STIL: variants seen among roughly 807,000 people sequenced by gnomAD.
STIL encodes the protein STIL centriolar assembly protein, also known as SCL-interrupting locus protein.
A neutral mutation model predicts 110.1 loss-of-function variants in STIL; 55 were observed. The ratio of observed to expected loss-of-function variants is 0.50; its 90% CI spans 0.40 to 0.63. STIL has a LOEUF of 0.63. Among genes scored for constraint, STIL ranks in the 20% least tolerant of loss-of-function variants. The pLI is 0.00. For synonymous variants in STIL, 481 were observed against 530.0 expected, an observed-to-expected ratio of 0.91 and a Z score of 1.27; for missense variants, 1,358 against 1,530.0, an observed-to-expected ratio of 0.89 and a Z score of 1.87.
intron 12 of STIL, among the ~76,000 whole-genome samples, chr1:47,274,721 A>G (rs1022459): frequency 9.9e-5 from 15 of 152,194 alleles, no homozygotes; most frequent in East Asian, 5.8e-4. Context: ...AAAAGCCATT[A>G]AAGTTGGAAT....
At chr1:47,309,370 G>A (rs1270680342) in intron 2 of STIL, among the ~76,000 whole-genome samples, 1 of 151,924 alleles carries the variant, frequency 6.6e-6, no homozygotes, top group Non-Finnish European at 1.5e-5. Flanking sequence ...GAGCTCAAGC[G>A]ATCTGCCCAC....
At chr1:47,279,553 AC>A (rs1293553648) in intron 12 of STIL, among the ~76,000 whole-genome samples, 1 of 151,886 alleles carries the variant, frequency 6.6e-6, no homozygotes, top group African/African-American at 2.4e-5. Context: ...ACATGGCGAA[AC>A]CCCGTCTCTA....
Position 47,251,303 on chromosome 1 carries a change from C to G in STIL, c.3700G>C (p.Gly1234Arg), listed in dbSNP as rs775610598. The G allele has an allele frequency of 6.2e-7, 1 of 1,613,864 alleles. No homozygotes were observed. Among genetic ancestry groups the G allele is most frequent in the Non-Finnish European group, 8.5e-7 (1 of 1,179,778 alleles). ...GGATGTTGAGTGAACTCTGCTTTCC[C>G]GGTTCGAAGGTTCACTGCAGGACTT... Reference protein sequence around the residue: ...KPSPAVNLRTGKAEFTQHPEK... With the variant: ...KPSPAVNLRTRKAEFTQHPEK... Residue 1234 changes from glycine (G) to arginine (R), a missense_variant, in exon 17 of 17, where the codon GGG (glycine) becomes CGG (arginine). Transcript: ENST00000371877.
chr1:47,276,977 T>C (rs530282298), intron 12 of STIL, among the ~76,000 whole-genome samples: 2 of 152,182 alleles, frequency 1.3e-5, no homozygotes, highest in Admixed American at 6.5e-5. Context: ...TAAATAGATA[T>C]AGCCTTTCCA....
At chr1:47,270,238 AAAAATATATAT>A (rs776632001) in intron 13 of STIL, among the ~76,000 whole-genome samples, 3 of 123,068 alleles carry the variant, frequency 2.4e-5, no homozygotes, top group Non-Finnish European at 3.2e-5. Flanking sequence ...AAAAAAAAAA[AAAAATATATAT>A]ATATATACAC....
chr1:47,268,797 T>G (rs1644733461), intron 14 of STIL, among the ~76,000 whole-genome samples: 1 of 148,176 alleles, frequency 6.7e-6, no homozygotes, highest in Non-Finnish European at 1.5e-5. Context: ...ATAAATTAAA[T>G]AAAAGAAATT....
chr1:47,264,144 A>G (rs1185967067), intron 14 of STIL, among the ~76,000 whole-genome samples: 1 of 152,220 alleles, frequency 6.6e-6, no homozygotes, highest in East Asian at 1.9e-4. Flanking sequence ...AAAGATTACA[A>G]GGGTCCTTAA....
At chr1:47,276,415 CATAT>C (rs200792762) in intron 12 of STIL, among the ~76,000 whole-genome samples, 1 of 150,510 alleles carries the variant, frequency 6.6e-6, no homozygotes, top group African/African-American at 2.4e-5. Flanking sequence ...TATACATATA[CATAT>C]ATATATATAT....
intron 9 of STIL, 47 bp downstream of exon 9, chr1:47,289,388 C>A: frequency 6.3e-7 from 1 of 1,577,850 alleles, no homozygotes; most frequent in Non-Finnish European, 8.7e-7. Flanking sequence ...TGCCAAAGTG[C>A]AAAACCCTAA....
At position 47,251,245 on chromosome 1, in the gene STIL, A is replaced by G; in HGVS notation, c.3758T>C (p.Phe1253Ser). The part of the protein sequence containing the change: ...EKENEGDITI[F>S]PESLQPSETL... Reference sequence around the variant, plus strand: ...TTCAGAAGGTTGCAAACTTTCAGGAAAAATTGTAATGTCCCCTTCATTTTC... The same window carrying G: ...TTCAGAAGGTTGCAAACTTTCAGGAGAAATTGTAATGTCCCCTTCATTTTC... Residue 1253 changes from phenylalanine to serine, a missense_variant, in exon 17 of 17, where the codon TTT (phenylalanine) becomes TCT (serine). Transcript: ENST00000371877. The G allele has an allele frequency of 1.2e-6, 2 of 1,611,344 alleles. No individual in the cohort carries two copies. Among genetic ancestry groups the G allele is most frequent in the Non-Finnish European group, 1.7e-6 (2 of 1,178,400 alleles).
chr1:47,299,715 G>A lies in STIL; in HGVS notation c.701+190C>T, dbSNP rs1056946270. The stretch of plus-strand genomic sequence containing the variant: ...GCCCTACCACCAATTTTTTGTAGGT[G>A]GTGGCACAACTTAAAGAAAATTTCA... On this transcript the variant is annotated intron_variant, in intron 6 of 16. Coordinates refer to ENST00000371877, the MANE Select transcript of STIL (RefSeq NM_001048166.1). 44 of 625,256 alleles carry A rather than the reference G, an allele frequency of 7.0e-5. No individual in the cohort carries two copies. The Middle Eastern group carries it at 1.4e-3, about 20-fold the overall frequency. The allele number at this position is 625,256 out of a possible 1,614,324, so 38.7% of individuals were successfully genotyped here.
chr1:47,260,507 G>A lies in STIL; in HGVS notation c.2862C>T (p.Ser954=). ...GQVNHLLNSS[S]KETEQPSTKA... ...TGGTAGACGGCTGCTCAGTTTCCTT[G>A]GAGGAACTATTTAATAGGTGGTTTA... The change falls in exon 16 of 17, where the codon TCC becomes TCT. Residue 954 remains serine (S), a synonymous_variant. Transcript: ENST00000371877. 1 of 1,614,046 alleles carries A rather than the reference G, an allele frequency of 6.2e-7. No homozygotes were observed. Among genetic ancestry groups the A allele is most frequent in the Non-Finnish European group, 8.5e-7 (1 of 1,180,012 alleles).
intron 16 of STIL, among the ~76,000 whole-genome samples, chr1:47,259,579 G>A (rs1644426479): frequency 1.3e-5 from 2 of 152,072 alleles, no homozygotes; most frequent in South Asian, 2.1e-4. Flanking sequence ...GTGAGCCACC[G>A]CGCCCGGCCT....
At position 47,259,317 on chromosome 1, in the gene STIL, G is replaced by A. The variant is rs1248632043; in HGVS notation, c.3080+972C>T. 9.7e-5 allele frequency among the ~76,000 whole-genome samples: 9 copies of A among 92,428 alleles called. No homozygotes were observed. The Admixed American group carries it at 1.0e-3, about 10-fold the overall frequency. 60.6% of individuals were successfully genotyped at this position (92,428 alleles called of 152,430 possible). ...TTTTTTTTTTTTTTGACTGAGTCTT[G>A]CTCTGTCGTCCAGGCTAGATAGAGT... On this transcript the variant is annotated intron_variant, in intron 16 of 16. Transcript: ENST00000371877.
chr1:47,259,009 G>GTC (rs1644401267), intron 16 of STIL, among the ~76,000 whole-genome samples: 1 of 6,916 alleles, frequency 1.4e-4, no homozygotes, highest in African/African-American at 1.1e-3. Flanking sequence ...TTTTTTTTGA[G>GTC]ACAGTCTTGC....
chr1:47,311,863 A>G (rs2149290177), intron 1 of STIL, among the ~76,000 whole-genome samples: 1 of 151,974 alleles, frequency 6.6e-6, no homozygotes, highest in South Asian at 2.1e-4. Context: ...CCGGGTCAAC[A>G]TGGTGAAACC....
chr1:47,298,800 A>G (rs903224349), intron 6 of STIL, among the ~76,000 whole-genome samples: 2 of 151,976 alleles, frequency 1.3e-5, no homozygotes, highest in African/African-American at 4.8e-5. Context: ...CTGAAGTGCA[A>G]TGGTGTGATC....
chr1:47,267,708 T>TTTTTG (rs10637098), intron 14 of STIL, among the ~76,000 whole-genome samples: 118,647 of 144,300 alleles, frequency 0.82, 49,440 homozygotes, highest in Middle Eastern at 0.89. Context: ...TAGAATCCGT[T>TTTTTG]TTTTGTTTTG....
In STIL at chr1:47,299,904, C is replaced by T; in HGVS notation, c.701+1G>A. 6.2e-7 allele frequency: 1 copy of T among 1,612,930 alleles called. No individual in the cohort carries two copies. Among genetic ancestry groups the T allele is most frequent in the Non-Finnish European group, 8.5e-7 (1 of 1,179,044 alleles). On this transcript the variant is annotated splice_donor_variant, in intron 6 of 16. Coordinates refer to ENST00000371877, the MANE Select transcript of STIL (RefSeq NM_001048166.1). LOFTEE classifies it high-confidence loss of function. ...TTTAGATTAATGTATCTTTTACTTA[C>T]CCATATTTATAAGTCCCTTGAACTT... is the stretch of plus-strand genomic sequence containing the variant.
Sources: gnomAD v4.1 joint callset for allele counts (sites outside exome capture counted in the v4.1 genomes callset) on GRCh38, gnomAD v4.1.1 for gene constraint, MANE v1.5 for transcripts, NCBI Gene and HGNC (gene_info 2026-07-23, HGNC 2026-07-21) for gene names.